CA10: variants seen among roughly 807,000 people sequenced by gnomAD.
The protein encoded by CA10 is carbonic anhydrase 10 (inactive).
Under a neutral mutation model 44.2 loss-of-function variants are expected in CA10, and 14 were observed. That is an observed-to-expected ratio of 0.32 (90% CI 0.21 to 0.50). The LOEUF is 0.50. CA10 is among the 20% of genes least tolerant of loss of function. The probability of loss-of-function intolerance (pLI) is 0.99; values close to 1 mark genes in which losing one functional copy is unlikely to be tolerated. For synonymous variants in CA10, 159 were observed against 141.6 expected (o/e 1.12, Z -0.87); for missense variants, 350 against 409.7 (o/e 0.85, Z 1.26).
At chr17:51,631,691 A>G in intron 8 of CA10, 85 bp from the exon 9 acceptor site, 1 of 1,183,886 alleles carries the variant, frequency 8.4e-7, no homozygotes, top group Non-Finnish European at 1.3e-6. Context: ...AGTTTTAGAG[A>G]ATTCCTCCAG....
chr17:52,058,203 G>T (rs1987282613), intron 2 of CA10, among the ~76,000 whole-genome samples: 1 of 152,184 alleles, frequency 6.6e-6, no homozygotes, highest in East Asian at 1.9e-4. Context: ...AACTCAGAAG[G>T]ATCAGGAACT....
chr17:51,916,070 C>A (rs1007101902), intron 3 of CA10, among the ~76,000 whole-genome samples: 30 of 152,258 alleles, frequency 2.0e-4, no homozygotes, highest in African/African-American at 7.0e-4. Context: ...AAGCTCCCCT[C>A]TATTTCCTCT....
chr17:52,087,123 T>A (rs148638916), intron 1 of CA10, among the ~76,000 whole-genome samples: 1 of 152,310 alleles, frequency 6.6e-6, no homozygotes, highest in African/African-American at 2.4e-5. Flanking sequence ...ATGACCCAGA[T>A]ACCTTTTCTT....
At chr17:52,005,947 A>T (rs1483251569) in intron 2 of CA10, among the ~76,000 whole-genome samples, 1 of 151,870 alleles carries the variant, frequency 6.6e-6, no homozygotes, top group African/African-American at 2.4e-5. Flanking sequence ...AAAAAGATGA[A>T]AAAAAGACTG....
chr17:51,861,948 G>T (rs992684073), intron 3 of CA10, among the ~76,000 whole-genome samples: 1 of 152,180 alleles, frequency 6.6e-6, no homozygotes, highest in Non-Finnish European at 1.5e-5. Context: ...AGGCTAGAAA[G>T]GGTTCAAGAC....
intron 3 of CA10, among the ~76,000 whole-genome samples, chr17:51,891,694 G>A (rs1032437599): frequency 6.6e-6 from 1 of 152,252 alleles, no homozygotes; most frequent in Non-Finnish European, 1.5e-5. Flanking sequence ...GCAGGCAGGT[G>A]AGGGTTGGTA....
chr17:52,113,778 T>C (rs779918265), intron 1 of CA10, among the ~76,000 whole-genome samples: 14 of 152,138 alleles, frequency 9.2e-5, no homozygotes, highest in African/African-American at 2.9e-4. Context: ...AGTGAGTAAT[T>C]TGAGGTGTTT....
intron 2 of CA10, among the ~76,000 whole-genome samples, chr17:52,034,021 A>C (rs1403106100): frequency 2.0e-5 from 3 of 152,218 alleles, no homozygotes; most frequent in Non-Finnish European, 2.9e-5. Flanking sequence ...TGGTTGACAA[A>C]AATTCAGGAA....
chr17:51,752,804 C>T (rs1034784186), intron 3 of CA10, among the ~76,000 whole-genome samples: 11 of 152,044 alleles, frequency 7.2e-5, no homozygotes, highest in African/African-American at 2.4e-4. Flanking sequence ...CAGGCACCTG[C>T]AGCTACTCGG....
At chr17:52,088,507 T>C (rs768718270) in intron 1 of CA10, among the ~76,000 whole-genome samples, 7 of 152,182 alleles carry the variant, frequency 4.6e-5, no homozygotes, top group Non-Finnish European at 1.0e-4. Context: ...TAAGCACCTT[T>C]TGTTCTTCCA....
intron 1 of CA10, among the ~76,000 whole-genome samples, chr17:52,081,215 A>T (rs1233226515): frequency 6.6e-6 from 1 of 152,242 alleles, no homozygotes; most frequent in African/African-American, 2.4e-5. Context: ...ATGAGATTGT[A>T]TGACAGTGAT....
chr17:52,125,562 A>T (rs2143330620), intron 1 of CA10, among the ~76,000 whole-genome samples: 1 of 152,290 alleles, frequency 6.6e-6, no homozygotes, highest in East Asian at 1.9e-4. Context: ...GGAGTACCCT[A>T]TATGTAAATC....
chr17:51,715,809 G>A (rs1217900047), intron 4 of CA10, among the ~76,000 whole-genome samples: 1 of 151,980 alleles, frequency 6.6e-6, no homozygotes, highest in Non-Finnish European at 1.5e-5. Flanking sequence ...TCCTGCCACA[G>A]CCTCTGAGTA....
At chr17:51,714,165 C>A (rs2143500460) in intron 4 of CA10, among the ~76,000 whole-genome samples, 1 of 152,234 alleles carries the variant, frequency 6.6e-6, no homozygotes, top group East Asian at 1.9e-4. Context: ...ACTTCAGGCC[C>A]CTTTTCAATT....
intron 3 of CA10, among the ~76,000 whole-genome samples, chr17:51,766,920 A>G (rs1358793072): frequency 6.6e-6 from 1 of 151,900 alleles, no homozygotes; most frequent in African/African-American, 2.4e-5. Context: ...TCGATAGGCA[A>G]TGACTGGCAA....
intron 2 of CA10, among the ~76,000 whole-genome samples, chr17:52,013,340 A>C (rs952327149): frequency 2.0e-5 from 3 of 151,982 alleles, no homozygotes; most frequent in Non-Finnish European, 4.4e-5. Flanking sequence ...CAGAAGAGAT[A>C]GAAATCACAA....
At chr17:51,763,855 T>C (rs188964332) in intron 3 of CA10, among the ~76,000 whole-genome samples, 4 of 152,196 alleles carry the variant, frequency 2.6e-5, no homozygotes, top group African/African-American at 4.8e-5. Flanking sequence ...CTCTGTAATC[T>C]GCCCATTCTC....
rs191981919 is a variant in CA10, at chr17:51,630,816, A to G, written c.*768T>C. On this transcript the variant is annotated 3_prime_UTR_variant, in exon 9 of 9. Coordinates refer to ENST00000451037, the MANE Select transcript of CA10 (RefSeq NM_020178.5). ...TTATTGAGCTGGTAACAATAACCAA[A>G]CACAATGTATGACCTTTGGAAAACA... is the stretch of plus-strand genomic sequence containing the variant. 5.9e-5 allele frequency: 9 copies of G among 152,796 alleles called. No homozygotes were observed. Among genetic ancestry groups the G allele is most frequent in the Non-Finnish European group, 1.0e-4 (7 of 68,046 alleles). 9.5% of individuals were successfully genotyped at this position (152,796 alleles called of 1,614,324 possible). A position where few individuals can be genotyped will look rare whatever the true frequency, so the allele number is the denominator to read the frequency against.
chr17:52,015,414 C>G (rs1985937490), intron 2 of CA10, among the ~76,000 whole-genome samples: 1 of 152,022 alleles, frequency 6.6e-6, no homozygotes, highest in Non-Finnish European at 1.5e-5. Flanking sequence ...ATGACTGATA[C>G]AATTTATAAA....
Sources: gnomAD v4.1 joint callset for allele counts (sites outside exome capture counted in the v4.1 genomes callset) on GRCh38, gnomAD v4.1.1 for gene constraint, MANE v1.5 for transcripts, NCBI Gene and HGNC (gene_info 2026-07-23, HGNC 2026-07-21) for gene names.